The following SEMA3E variants were observed in gnomAD, a reference collection of about 807,000 sequenced individuals.
SEMA3E encodes the protein semaphorin-3E.
Under a neutral mutation model 93.6 loss-of-function variants are expected in SEMA3E, and 49 were observed. That is an observed-to-expected ratio of 0.52 (90% CI 0.42 to 0.66). The LOEUF is 0.66. Among genes scored for constraint, SEMA3E ranks in the 30% least tolerant of loss-of-function variants. SEMA3E has a pLI of 0.00. For synonymous variants in SEMA3E, 363 were observed against 330.7 expected, an observed-to-expected ratio of 1.10 and a Z score of -1.06; for missense variants, 906 against 964.8, an observed-to-expected ratio of 0.94 and a Z score of 0.81.
At chr7:83,536,463 A>C (rs1017001223) in intron 1 of SEMA3E, among the ~76,000 whole-genome samples, 1 of 152,146 alleles carries the variant, frequency 6.6e-6, no homozygotes, top group African/African-American at 2.4e-5. Flanking sequence ...ATTTCTCCTA[A>C]ATGGCACCTT....
At chr7:83,444,609 G>A (rs1789185729) in intron 4 of SEMA3E, among the ~76,000 whole-genome samples, 1 of 151,822 alleles carries the variant, frequency 6.6e-6, no homozygotes, top group African/African-American at 2.4e-5. Flanking sequence ...TGGAAAACAC[G>A]GACCAAGAAA....
At chr7:83,472,464 T>G (rs946381085) in intron 2 of SEMA3E, among the ~76,000 whole-genome samples, 4 of 152,228 alleles carry the variant, frequency 2.6e-5, no homozygotes, top group African/African-American at 9.6e-5. Context: ...AATGTTTTTG[T>G]GGCTCAAGAG....
At position 83,365,462 on chromosome 7, in the gene SEMA3E, T is replaced by G. The variant is rs1794652171; in HGVS notation, c.*2124A>C. ...TCTTTGGGTTTGATTTATTTTCCTA[T>G]AATAAATTTTAGCATTTTATGTAAA... is the stretch of plus-strand genomic sequence containing the variant. On this transcript the variant is annotated 3_prime_UTR_variant, in exon 17 of 17. Coordinates refer to ENST00000643230, the MANE Select transcript of SEMA3E (RefSeq NM_012431.3). 6.6e-6 allele frequency: 1 copy of G among 152,210 alleles called. No individual in the cohort carries two copies. Among genetic ancestry groups the G allele is most frequent in the Admixed American group, 6.5e-5 (1 of 15,278 alleles). The allele number at this position is 152,210 out of a possible 1,614,324, so 9.4% of individuals were successfully genotyped here. A position where few individuals can be genotyped will look rare whatever the true frequency, so the allele number is the denominator to read the frequency against.
chr7:83,399,121 A>G (rs1353546914), intron 11 of SEMA3E, among the ~76,000 whole-genome samples: 1 of 152,208 alleles, frequency 6.6e-6, no homozygotes, highest in Non-Finnish European at 1.5e-5. Flanking sequence ...AATTAAAGTC[A>G]TGTATGTTAG....
intron 1 of SEMA3E, among the ~76,000 whole-genome samples, chr7:83,551,575 T>G (rs1791765230): frequency 6.6e-6 from 1 of 152,110 alleles, no homozygotes; most frequent in African/African-American, 2.4e-5. Context: ...CAGTGAAGGT[T>G]TTAGATCTTT....
chr7:83,394,223 C>T (rs962605048), intron 13 of SEMA3E, 74 bp downstream of exon 13: 71 of 1,479,124 alleles, frequency 4.8e-5, no homozygotes, highest in Non-Finnish European at 6.4e-5. Context: ...TACTAATGTT[C>T]TCATATCCTT....
At chr7:83,564,624 C>T (rs1372927812) in intron 1 of SEMA3E, among the ~76,000 whole-genome samples, 1 of 152,064 alleles carries the variant, frequency 6.6e-6, no homozygotes, top group East Asian at 1.9e-4. Flanking sequence ...TAATCATTTA[C>T]ACAATCACTC....
intron 1 of SEMA3E, 39 bp downstream of exon 1, chr7:83,648,389 T>A: frequency 7.0e-7 from 1 of 1,428,056 alleles, no homozygotes; most frequent in East Asian, 2.3e-5. Flanking sequence ...TTTTCTTTTT[T>A]TTTTTTTTTA....
At chr7:83,373,874 G>A (rs1416359140) in intron 16 of SEMA3E, among the ~76,000 whole-genome samples, 3 of 152,108 alleles carry the variant, frequency 2.0e-5, no homozygotes, top group African/African-American at 7.2e-5. Flanking sequence ...TGTTTAGTAA[G>A]AATGCAAGTT....
chr7:83,588,379 A>G (rs1405955788), intron 1 of SEMA3E, among the ~76,000 whole-genome samples: 2 of 143,660 alleles, frequency 1.4e-5, no homozygotes, highest in Non-Finnish European at 3.0e-5. Flanking sequence ...GACTCTGTCT[A>G]AAAAAAAAAA....
intron 1 of SEMA3E, among the ~76,000 whole-genome samples, chr7:83,613,358 C>G (rs1793303756): frequency 6.6e-6 from 1 of 152,022 alleles, no homozygotes; most frequent in African/African-American, 2.4e-5. Context: ...GTGAATCAGA[C>G]TGTATGACTG....
At chr7:83,510,210 T>C (rs1790789190) in intron 1 of SEMA3E, among the ~76,000 whole-genome samples, 1 of 152,198 alleles carries the variant, frequency 6.6e-6, no homozygotes, top group Non-Finnish European at 1.5e-5. Flanking sequence ...CATTTTTAAT[T>C]AAGCAAGTGT....
intron 1 of SEMA3E, among the ~76,000 whole-genome samples, chr7:83,499,537 A>G (rs1299291732): frequency 1.1e-4 from 16 of 152,158 alleles, no homozygotes; most frequent in Non-Finnish European, 2.1e-4. Flanking sequence ...CTGTTGGATT[A>G]AAGTTGCTTG....
chr7:83,441,204 A>T (rs1163581104), intron 4 of SEMA3E, among the ~76,000 whole-genome samples: 1 of 152,220 alleles, frequency 6.6e-6, no homozygotes, highest in Non-Finnish European at 1.5e-5. Flanking sequence ...TCTGCTACTG[A>T]TTCAACTTGG....
In SEMA3E at chr7:83,366,067, T is replaced by G. The variant is rs183084545; in HGVS notation, c.*1519A>C. 55 of 152,258 alleles carry G rather than the reference T, an allele frequency of 3.6e-4. No individual in the cohort carries two copies. The East Asian group carries it at 0.01, about 29-fold the overall frequency. 9.4% of individuals were successfully genotyped at this position (152,258 alleles called of 1,614,324 possible). ...TTATCTGAATAAACTTAAATTTTTC[T>G]TAAAATATTTATGTATTTGTTCATT... On this transcript the variant is annotated 3_prime_UTR_variant, in exon 17 of 17. Coordinates refer to ENST00000643230, the MANE Select transcript of SEMA3E (RefSeq NM_012431.3).
intron 4 of SEMA3E, among the ~76,000 whole-genome samples, chr7:83,425,746 G>C (rs1194706167): frequency 1.3e-5 from 2 of 152,010 alleles, no homozygotes; most frequent in East Asian, 3.9e-4. Context: ...AAACAAGTCG[G>C]ACCTAAATAA....
rs1433614774 is a variant in SEMA3E, at chr7:83,367,640, C to T, written c.2274G>A (p.Lys758=). The part of the protein sequence containing the change: ...KWKYANPQEK[K]LRSKPEHYRL... ...GGTAATGCTCAGGTTTGGAACGGAGCTTCTTTTCCTGAGGGTTGGCATACT... is the reference window on the plus strand; with the variant it reads ...GGTAATGCTCAGGTTTGGAACGGAGTTTCTTTTCCTGAGGGTTGGCATACT... Residue 758 remains lysine (K), a synonymous_variant, in exon 17 of 17, where the codon AAG becomes AAA. Coordinates refer to ENST00000643230, the MANE Select transcript of SEMA3E (RefSeq NM_012431.3). The T allele has an allele frequency of 6.2e-6, 10 of 1,614,164 alleles. No individual in the cohort carries two copies. The highest frequency in any genetic ancestry group is 8.5e-6 in the Non-Finnish European group (10 of 1,180,020).
At chr7:83,545,552 G>GAAAAAAAAAAAAAAAAA (rs3068645) in intron 1 of SEMA3E, among the ~76,000 whole-genome samples, 1 of 86,458 alleles carries the variant, frequency 1.2e-5, no homozygotes. Flanking sequence ...GAAGAGAAAT[G>GAAAAAAAAAAAAAAAAA]AAAAAAAAAA....
chr7:83,507,388 A>T (rs1352806608), intron 1 of SEMA3E, among the ~76,000 whole-genome samples: 1 of 150,124 alleles, frequency 6.7e-6, no homozygotes, highest in Non-Finnish European at 1.5e-5. Flanking sequence ...GCTTGCAGTG[A>T]ATGACTGCTG....
Sources: gnomAD v4.1 joint callset for allele counts (sites outside exome capture counted in the v4.1 genomes callset) on GRCh38, gnomAD v4.1.1 for gene constraint, MANE v1.5 for transcripts, NCBI Gene and HGNC (gene_info 2026-07-23, HGNC 2026-07-21) for gene names.